SOCS6: variants seen among roughly 807,000 people sequenced by gnomAD.
The protein encoded by SOCS6 is STAT induced STAT inhibitor-4.
Under a neutral mutation model 27.7 loss-of-function variants are expected in SOCS6, and 5 were observed. That is an observed-to-expected ratio of 0.18 (90% CI 0.09 to 0.38). The LOEUF is 0.38. Ranked by LOEUF, SOCS6 falls within the 10% of genes least tolerant of loss-of-function variation. The pLI is 1.00. For missense variants in SOCS6, 595 were observed against 688.1 expected (o/e 0.86, Z 1.51); for synonymous variants, 271 against 260.0 (o/e 1.04, Z -0.41).
At chr18:70,297,396 A>G (rs571122860) in intron 1 of SOCS6, among the ~76,000 whole-genome samples, 16 of 151,888 alleles carry the variant, frequency 1.1e-4, no homozygotes, top group African/African-American at 2.9e-4. Flanking sequence ...TGCTAGCATC[A>G]GTGAATATTA....
chr18:70,309,772 C>T (rs953616856), intron 1 of SOCS6, among the ~76,000 whole-genome samples: 4 of 152,210 alleles, frequency 2.6e-5, no homozygotes, highest in African/African-American at 9.6e-5. Flanking sequence ...CAACTTCCAC[C>T]TCCCAGGTTC....
chr18:70,303,223 A>G (rs1425556813), intron 1 of SOCS6, among the ~76,000 whole-genome samples: 3 of 152,142 alleles, frequency 2.0e-5, no homozygotes, highest in Non-Finnish European at 2.9e-5. Context: ...AACAATATGA[A>G]TTTTCCCCTC....
intron 1 of SOCS6, among the ~76,000 whole-genome samples, chr18:70,312,329 T>G (rs2062393993): frequency 6.6e-6 from 1 of 152,222 alleles, no homozygotes; most frequent in South Asian, 2.1e-4. Context: ...GTTTTGTTTT[T>G]TTTTCAATTA....
intron 1 of SOCS6, among the ~76,000 whole-genome samples, chr18:70,308,252 G>A: frequency 6.6e-6 from 1 of 152,152 alleles, no homozygotes; most frequent in East Asian, 1.9e-4. Context: ...GTCTTGCTCT[G>A]TCACCCAGAC....
chr18:70,292,475 T>C (rs961689946), intron 1 of SOCS6, among the ~76,000 whole-genome samples: 1 of 152,126 alleles, frequency 6.6e-6, no homozygotes, highest in African/African-American at 2.4e-5. Context: ...CCTCCGCCAG[T>C]TGTTGGGACC....
At chr18:70,300,817 ATTTAAG>A in intron 1 of SOCS6, among the ~76,000 whole-genome samples, 1 of 151,796 alleles carries the variant, frequency 6.6e-6, no homozygotes, top group East Asian at 1.9e-4. Flanking sequence ...TTTATTCTTA[ATTTAAG>A]TTAAAATTAT....
chr18:70,305,176 C>CCA (rs2062364145), intron 1 of SOCS6, among the ~76,000 whole-genome samples: 1 of 151,874 alleles, frequency 6.6e-6, no homozygotes, highest in African/African-American at 2.4e-5. Context: ...CCACTGCACT[C>CCA]CAACCTGAGC....
Position 70,325,536 on chromosome 18 carries a change from A to G in SOCS6, c.868A>G (p.Ile290Val), listed in dbSNP as rs1276338512. ...GGATCAGTCCGTGAATGGCTTGTTG[A>G]TTGGCACCACGGGAGTCATGTTGCA... ...FVDQSVNGLL[I>V]GTTGVMLQSP... The change falls in exon 2 of 2, where the codon ATT (isoleucine) becomes GTT (valine). Residue 290 changes from isoleucine to valine, a missense_variant. Ile to Val is a conservative substitution (Grantham distance 29). This residue lies in a region of SOCS6 where 467 missense variants were observed against 481.1 expected (regional missense o/e 0.97). Transcript: ENST00000397942. This position sits in a 1 kb window ranked among gnomAD's most constrained non-coding sequence, Gnocchi z 6.3. The G allele has an allele frequency of 6.2e-7, 1 of 1,613,888 alleles. No homozygotes were observed. Among genetic ancestry groups the G allele is most frequent in the Admixed American group, 1.7e-5 (1 of 59,998 alleles).
At chr18:70,300,249 C>T (rs1227599512) in intron 1 of SOCS6, among the ~76,000 whole-genome samples, 6 of 152,104 alleles carry the variant, frequency 3.9e-5, no homozygotes, top group Admixed American at 3.9e-4. Context: ...GCCTCAGACT[C>T]CCAAGTAGCT....
At chr18:70,301,908 G>A (rs897295438) in intron 1 of SOCS6, among the ~76,000 whole-genome samples, 71 of 152,282 alleles carry the variant, frequency 4.7e-4, no homozygotes, top group African/African-American at 1.5e-3. Context: ...GTGAATTCAC[G>A]CTAGGCAAAG....
At chr18:70,305,175 T>G (rs1568598976) in intron 1 of SOCS6, among the ~76,000 whole-genome samples, 1 of 151,690 alleles carries the variant, frequency 6.6e-6, no homozygotes. Flanking sequence ...GCCACTGCAC[T>G]CCAACCTGAG....
chr18:70,312,627 T>A (rs1190729225), intron 1 of SOCS6, among the ~76,000 whole-genome samples: 1 of 152,190 alleles, frequency 6.6e-6, no homozygotes, highest in Non-Finnish European at 1.5e-5. Context: ...TTTCAATGAA[T>A]TTTAAAAATT....
Position 70,325,593 on chromosome 18 carries a change from C to A in SOCS6, c.925C>A (p.Pro309Thr). 1 of 1,614,178 alleles carries A rather than the reference C, an allele frequency of 6.2e-7. No individual in the cohort carries two copies. The highest frequency in any genetic ancestry group is 8.5e-7 in the Non-Finnish European group (1 of 1,180,006). The change falls in exon 2 of 2, where the codon CCA becomes ACA. Residue 309 changes from proline (P) to threonine (T), a missense_variant. By Grantham distance (38) the Pro-to-Thr change is conservative. Around this residue, in one of 2 missense-constraint regions of SOCS6, gnomAD observed 467 missense variants for 481.1 expected, o/e 0.97. Transcript: ENST00000397942. This position sits in a 1 kb window ranked among gnomAD's most constrained non-coding sequence, Gnocchi z 6.3. The stretch of plus-strand genomic sequence containing the variant: ...GAGAGCGGGTCACGATGATGTCCCT[C>A]CACTCTCACCATTGCTACCTCCAAT... ...SPRAGHDDVP[P>T]LSPLLPPMQN...
chr18:70,289,570 G>A (rs1052942921), intron 1 of SOCS6, among the ~76,000 whole-genome samples: 1 of 147,254 alleles, frequency 6.8e-6, no homozygotes, highest in Admixed American at 6.7e-5. Flanking sequence ...CCCCGGCCGG[G>A]TCCCTCCTCG....
At chr18:70,296,025 A>G (rs548185153) in intron 1 of SOCS6, among the ~76,000 whole-genome samples, 4 of 152,228 alleles carry the variant, frequency 2.6e-5, no homozygotes, top group African/African-American at 9.6e-5. Context: ...AGGCAGGAAC[A>G]GTATCTAAAA....
chr18:70,329,692 T>C lies in SOCS6; in HGVS notation c.*3416T>C, dbSNP rs527393790. The C allele has an allele frequency of 6.8e-4, 114 of 167,256 alleles. No homozygotes were observed. The highest frequency in any genetic ancestry group is 2.3e-3 in the African/African-American group (97 of 41,606). The allele number at this position is 167,256 out of a possible 1,614,324, so 10.4% of individuals were successfully genotyped here. ...TAATAAGGAACAATAGCCAGTTCCG[T>C]AAATAACTTTAAAATTCTAAAAGTG... On this transcript the variant is annotated 3_prime_UTR_variant, in exon 2 of 2. Coordinates refer to ENST00000397942, the MANE Select transcript of SOCS6 (RefSeq NM_004232.4).
chr18:70,324,782 A>G lies in SOCS6; in HGVS notation c.114A>G (p.Lys38=), dbSNP rs1250909438. 6.2e-7 allele frequency: 1 copy of G among 1,614,198 alleles called. No homozygotes were observed. The highest frequency in any genetic ancestry group is 1.7e-5 in the Admixed American group (1 of 60,026). ...CATCGCTAGCCAGTGACTTTGGAAAAGATGATTCCTTATTTGGTAGCTGCT... is the reference window on the plus strand; with the variant it reads ...CATCGCTAGCCAGTGACTTTGGAAAGGATGATTCCTTATTTGGTAGCTGCT... ...QQPSLASDFG[K]DDSLFGSCYG... Residue 38 remains lysine (K), a synonymous_variant, in exon 2 of 2, where the codon AAA becomes AAG. Transcript: ENST00000397942.
At position 70,326,068 on chromosome 18, in the gene SOCS6, A is replaced by G; in HGVS notation, c.1400A>G (p.Asn467Ser). The G allele has an allele frequency of 1.9e-6, 3 of 1,614,194 alleles. No individual in the cohort carries two copies. Among genetic ancestry groups the G allele is most frequent in the Non-Finnish European group, 2.5e-6 (3 of 1,180,024 alleles). The change falls in exon 2 of 2, where the codon AAT (asparagine) becomes AGT (serine). Residue 467 changes from asparagine to serine, a missense_variant. Physicochemically the swap from Asn to Ser is conservative, Grantham distance 46. This residue lies in a region of SOCS6 where 128 missense variants were observed against 207.0 expected (regional missense o/e 0.62). Coordinates refer to ENST00000397942, the MANE Select transcript of SOCS6 (RefSeq NM_004232.4). ...LIEHSIRDSE[N>S]GAFCYSRSRL... Reference sequence around the variant, plus strand: ...GAGCATTCAATCAGGGACTCTGAAAATGGAGCTTTTTGTTATTCAAGGTCT... The same window carrying G: ...GAGCATTCAATCAGGGACTCTGAAAGTGGAGCTTTTTGTTATTCAAGGTCT...
chr18:70,293,031 C>G (rs2062306782), intron 1 of SOCS6, among the ~76,000 whole-genome samples: 1 of 152,064 alleles, frequency 6.6e-6, no homozygotes, highest in Admixed American at 6.5e-5. Flanking sequence ...TTACTTGTTT[C>G]TGCTGTTCCC....
Sources: allele counts gnomAD v4.1 joint callset (sites outside exome capture counted in the v4.1 genomes callset), GRCh38; gene constraint gnomAD v4.1.1; regional missense constraint gnomAD v4.1.1; non-coding constraint Gnocchi (gnomAD v3.1); transcripts MANE v1.5; gene names NCBI Gene and HGNC (gene_info 2026-07-23, HGNC 2026-07-21).